The following CACNA2D4 variants were observed in gnomAD, a reference collection of about 807,000 sequenced individuals.
The protein encoded by CACNA2D4 is voltage-dependent calcium channel subunit alpha-2/delta-4.
In CACNA2D4, 157 loss-of-function variants were observed where a neutral mutation model predicts 163.8. That is an observed-to-expected ratio of 0.96 (90% CI 0.84 to 1.09). The LOEUF (loss-of-function observed/expected upper bound fraction) is 1.09. CACNA2D4 is among the 50% of genes least tolerant of loss of function. The pLI is 0.00. For missense variants in CACNA2D4, 1,410 were observed against 1,479.9 expected, an observed-to-expected ratio of 0.95 and a Z score of 0.78; for synonymous variants, 598 against 586.9, an observed-to-expected ratio of 1.02 and a Z score of -0.27.
rs1372359881 is a variant in CACNA2D4, at chr12:1,834,298, G to T, written c.2551+6441C>A. ...GCTTGGACCAGCTTGCCTGCACCCT[G>T]CCCAAGGAGCTGAGGGGGAAGGACA... is the stretch of plus-strand genomic sequence containing the variant. On this transcript the variant is annotated intron_variant, in intron 26 of 37. Transcript: ENST00000382722. This position sits in a 1 kb window ranked among gnomAD's most constrained non-coding sequence, Gnocchi z 7.6. 1 of 1,601,510 alleles carries T rather than the reference G, an allele frequency of 6.2e-7. No individual in the cohort carries two copies. The highest frequency in any genetic ancestry group is 2.2e-5 in the East Asian group (1 of 44,676).
chr12:1,826,141 C>A (rs1329444026), intron 26 of CACNA2D4, among the ~76,000 whole-genome samples: 1 of 152,106 alleles, frequency 6.6e-6, no homozygotes. Context: ...GCTGCTGACA[C>A]CCCTCTCCTC....
chr12:1,818,743 C>G (rs1364572554), intron 26 of CACNA2D4, among the ~76,000 whole-genome samples: 1 of 137,366 alleles, frequency 7.3e-6, no homozygotes, highest in Non-Finnish European at 1.5e-5. Flanking sequence ...TCCCCCTCTG[C>G]GAGAAACACC....
chr12:1,811,043 C>T (rs1444885695), intron 27 of CACNA2D4, among the ~76,000 whole-genome samples: 4 of 152,150 alleles, frequency 2.6e-5, no homozygotes, highest in Non-Finnish European at 5.9e-5. Flanking sequence ...CTGGTTGAGG[C>T]GGTGGGTGAC....
At chr12:1,856,350 T>C in intron 20 of CACNA2D4, 121 bp from the exon 21 acceptor site, 2 of 1,027,490 alleles carry the variant, frequency 1.9e-6, no homozygotes, top group Non-Finnish European at 3.0e-6. Flanking sequence ...TGTTCTTTCT[T>C]GCTCTTAGCT....
At chr12:1,830,627 C>A (rs1012300628) in intron 26 of CACNA2D4, among the ~76,000 whole-genome samples, 3 of 152,196 alleles carry the variant, frequency 2.0e-5, no homozygotes, top group African/African-American at 7.2e-5. Context: ...TATCACTGCA[C>A]CAGCATGGCT....
intron 18 of CACNA2D4, among the ~76,000 whole-genome samples, chr12:1,867,912 A>T (rs981374224): frequency 6.6e-6 from 1 of 152,330 alleles, no homozygotes; most frequent in East Asian, 1.9e-4. Flanking sequence ...CCAAACCACA[A>T]TGAGATGCCA....
At chr12:1,901,013 A>G (rs182272813) in intron 6 of CACNA2D4, among the ~76,000 whole-genome samples, 106 of 152,312 alleles carry the variant, frequency 7.0e-4, no homozygotes, top group Middle Eastern at 3.4e-3. Context: ...CTCTGATCAC[A>G]ATGGAATAAA....
chr12:1,850,829 G>T (rs1865260956), intron 23 of CACNA2D4, among the ~76,000 whole-genome samples: 1 of 150,956 alleles, frequency 6.6e-6, no homozygotes, highest in South Asian at 2.1e-4. Flanking sequence ...CAGGAGAATG[G>T]CGAGCTTGTG....
chr12:1,825,835 T>C (rs1366324342), intron 26 of CACNA2D4, among the ~76,000 whole-genome samples: 1 of 113,882 alleles, frequency 8.8e-6, no homozygotes, highest in Non-Finnish European at 2.1e-5. Flanking sequence ...AAACCTGCAA[T>C]CCAGTCCCGG....
Position 1,819,364 on chromosome 12 carries a change from C to T in CACNA2D4, c.2552-7641G>A, listed in dbSNP as rs377657097. Among the ~76,000 whole-genome samples the T allele has an allele frequency of 2.5e-4, 38 of 152,190 alleles. 1 individual carries two copies. In the South Asian group the frequency reaches 7.3e-3, roughly 29 times the overall value. ...ACTGCAGCTCAAGCCTTGTGCTGCC[C>T]GGGGACCCGGCAGAACGGACAGAAG... On this transcript the variant is annotated intron_variant, in intron 26 of 37. Transcript: ENST00000382722.
chr12:1,797,197 C>A (rs1417988146), intron 35 of CACNA2D4, among the ~76,000 whole-genome samples: 2 of 152,246 alleles, frequency 1.3e-5, no homozygotes, highest in South Asian at 4.1e-4. Context: ...TGTCCCGGTC[C>A]CCAGCCGTCC....
rs1159579565 is a variant in CACNA2D4 at position 1,914,949 on chromosome 12, A to G, written c.228-14T>C. On this transcript the variant is annotated splice_polypyrimidine_tract_variant and intron_variant, in intron 1 of 37. Transcript: ENST00000382722. Reference sequence around the variant, plus strand: ...CATAGCTTCACTCTGCCAGGCAATGAAAGGACACGCGTATACACACACGTA... The same window carrying G: ...CATAGCTTCACTCTGCCAGGCAATGGAAGGACACGCGTATACACACACGTA... The G allele has an allele frequency of 6.3e-7, 1 of 1,596,614 alleles. No individual in the cohort carries two copies. Among genetic ancestry groups the G allele is most frequent in the East Asian group, 2.2e-5 (1 of 44,826 alleles).
At chr12:1,804,898 T>TTA (rs1863477768) in intron 29 of CACNA2D4, among the ~76,000 whole-genome samples, 1 of 152,266 alleles carries the variant, frequency 6.6e-6, no homozygotes, top group Admixed American at 6.5e-5. Context: ...ACTTCTCTTC[T>TTA]GGCAGCAGAA....
intron 26 of CACNA2D4, among the ~76,000 whole-genome samples, chr12:1,819,533 G>A (rs1044435113): frequency 2.2e-4 from 33 of 152,116 alleles, no homozygotes; most frequent in African/African-American, 7.7e-4. Flanking sequence ...CGCTAGCACG[G>A]TGCTTCATCT....
intron 26 of CACNA2D4, among the ~76,000 whole-genome samples, chr12:1,831,711 C>T (rs561838796): frequency 6.6e-6 from 1 of 152,154 alleles, no homozygotes; most frequent in Non-Finnish European, 1.5e-5. Context: ...CATCACCCTT[C>T]CTGCCAATGG....
rs1268701520 is a variant in CACNA2D4, at chr12:1,880,288, CTT to C, written c.1486-409_1486-408del. Among the ~76,000 whole-genome samples the C allele has an allele frequency of 4.6e-5, 7 of 152,266 alleles. No homozygotes were observed. In the East Asian group the frequency reaches 1.3e-3, roughly 29 times the overall value. On this transcript the variant is annotated intron_variant, in intron 13 of 37. Coordinates refer to ENST00000382722, the MANE Select transcript of CACNA2D4 (RefSeq NM_172364.5). The stretch of plus-strand genomic sequence containing the variant: ...GCTTTCCAGAAACCTCTGATATGGA[CTT>C]AAGGTTGCTACAGGTGAGAGGGAGG...
Position 1,793,756 on chromosome 12 carries a change from TCTC to T in CACNA2D4, c.3310_3312del (p.Glu1104del), listed in dbSNP as rs760423766. ...GAGGCGCCGCCGCAGTCCTGGGCAT[TCTC>T]CTGCGAACGCAGAGCAGAGGTGACA... On this transcript the variant is annotated inframe_deletion and splice_region_variant, in exon 38 of 38. Coordinates refer to ENST00000382722, the MANE Select transcript of CACNA2D4 (RefSeq NM_172364.5). The T allele has an allele frequency of 6.8e-6, 11 of 1,612,658 alleles. No individual in the cohort carries two copies. The highest frequency in any genetic ancestry group is 1.3e-5 in the African/African-American group (1 of 74,984).
chr12:1,834,467 C>A lies in CACNA2D4; in HGVS notation c.2551+6272G>T, dbSNP rs756978584. Reference sequence around the variant, plus strand: ...GCCCAAGCCCGGGGCTGAGCCGGAGCCGGAGCCCAGCACAGCCTGCCCACA... The same window carrying A: ...GCCCAAGCCCGGGGCTGAGCCGGAGACGGAGCCCAGCACAGCCTGCCCACA... On this transcript the variant is annotated intron_variant, in intron 26 of 37. Transcript: ENST00000382722. This position sits in a 1 kb window ranked among gnomAD's most constrained non-coding sequence, Gnocchi z 7.6. 4 of 1,610,608 alleles carry A rather than the reference C, an allele frequency of 2.5e-6. No individual in the cohort carries two copies. Among genetic ancestry groups the A allele is most frequent in the Non-Finnish European group, 3.4e-6 (4 of 1,179,814 alleles).
intron 30 of CACNA2D4, among the ~76,000 whole-genome samples, chr12:1,801,338 A>G (rs1863317812): frequency 6.6e-6 from 1 of 152,230 alleles, no homozygotes; most frequent in South Asian, 2.1e-4. Flanking sequence ...TCGGAGTTGG[A>G]CGGTTTTCCC....
Sources: gnomAD v4.1 joint callset for allele counts (sites outside exome capture counted in the v4.1 genomes callset) on GRCh38, gnomAD v4.1.1 for gene constraint, Gnocchi (gnomAD v3.1) non-coding constraint, MANE v1.5 for transcripts, NCBI Gene and HGNC (gene_info 2026-07-23, HGNC 2026-07-21) for gene names.